The following IL3RA variants were observed in gnomAD, a reference collection of about 807,000 sequenced individuals.
IL3RA encodes interleukin-3 receptor subunit alpha.
A neutral mutation model predicts 52.3 loss-of-function variants in IL3RA; 73 were observed. The observed-to-expected ratio is 1.40, with a 90% confidence interval of 1.16 to 1.70. The LOEUF is 1.70. IL3RA is among the 40% of genes most tolerant of loss of function. The pLI is 0.00. For missense variants in IL3RA, 664 were observed against 504.4 expected (o/e 1.32, Z -3.03); for synonymous variants, 260 against 194.0 (o/e 1.34, Z -2.83).
At position 1,365,197 on chromosome X, in the gene IL3RA, A is replaced by G; in HGVS notation, c.819A>G (p.Arg273=). 1 of 1,611,156 alleles carries G rather than the reference A, an allele frequency of 6.2e-7. No individual in the cohort carries two copies. Among genetic ancestry groups the G allele is most frequent in the Non-Finnish European group, 8.5e-7 (1 of 1,178,934 alleles). The change falls in exon 9 of 12, where the codon AGA becomes AGG. Residue 273 remains arginine, a synonymous_variant. Transcript: ENST00000331035. ...CTGGAACGTACACAGTACAAATAAG[A>G]GCCCGGGAAAGAGTGTATGAATTCT... ...LNPGTYTVQI[R]ARERVYEFLS...
intron 2 of IL3RA, among the ~76,000 whole-genome samples, chrX:1,343,591 C>G (rs1171780967): frequency 7.0e-6 from 1 of 143,310 alleles, no homozygotes; most frequent in Non-Finnish European, 1.5e-5. Context: ...CACTTGAACC[C>G]GGGAGGCGGA....
At chrX:1,340,592 G>A (rs2085451799) in intron 1 of IL3RA, among the ~76,000 whole-genome samples, 2 of 152,172 alleles carry the variant, frequency 1.3e-5, no homozygotes, top group African/African-American at 4.8e-5. Context: ...GTATATTTGT[G>A]TATGCACATA....
intron 8 of IL3RA, 85 bp downstream of exon 8, chrX:1,358,972 A>G (rs2149050613): frequency 1.1e-6 from 1 of 933,102 alleles, no homozygotes. Flanking sequence ...GATAAAAAAT[A>G]TTAATAATTC....
chrX:1,353,544 A>G (rs2086299963), intron 6 of IL3RA, among the ~76,000 whole-genome samples: 2 of 149,316 alleles, frequency 1.3e-5, no homozygotes, highest in African/African-American at 5.0e-5. Flanking sequence ...TGGTTCCATC[A>G]TGGGTCATAG....
rs747409244 is a variant in IL3RA at position 1,348,332 on chromosome X, G to A, written c.184-99G>A. ...CACGCCACTGCACTCCAGCGTGGGC[G>A]ACGAGAGCGAAACTCTGCCTCAAAA... On this transcript the variant is annotated intron_variant, in intron 3 of 11. Coordinates refer to ENST00000331035, the MANE Select transcript of IL3RA (RefSeq NM_002183.4). 4.3e-4 allele frequency: 398 copies of A among 918,368 alleles called. 1 individual carries two copies. Among genetic ancestry groups the A allele is most frequent in the Non-Finnish European group, 5.9e-4 (326 of 553,672 alleles). 56.9% of individuals were successfully genotyped at this position (918,368 alleles called of 1,614,324 possible).
intron 11 of IL3RA, among the ~76,000 whole-genome samples, chrX:1,381,794 G>A (rs1397346501): frequency 1.3e-4 from 19 of 151,034 alleles, no homozygotes; most frequent in Non-Finnish European, 2.2e-4. Context: ...CCCCTGCCTC[G>A]GCCTCCCAAA....
intron 3 of IL3RA, among the ~76,000 whole-genome samples, chrX:1,347,172 C>A (rs778056306): frequency 1.3e-5 from 2 of 151,460 alleles, no homozygotes; most frequent in Non-Finnish European, 2.9e-5. Context: ...GTAGGCCGGG[C>A]GTGGTGGCTC....
Position 1,341,322 on chromosome X carries a change from C to G in IL3RA, c.-38-406C>G, listed in dbSNP as rs1305147386. 7.3e-5 allele frequency among the ~76,000 whole-genome samples: 11 copies of G among 151,452 alleles called. No homozygotes were observed. In the South Asian group the frequency reaches 1.0e-3, roughly 14 times the overall value. On this transcript the variant is annotated intron_variant, in intron 1 of 11. Transcript: ENST00000331035. ...TCAGGAAAAAAAAAAAAAGAAAACACACAAACACTTATGTGTGCACACAGA... is the reference window on the plus strand; with the variant it reads ...TCAGGAAAAAAAAAAAAAGAAAACAGACAAACACTTATGTGTGCACACAGA...
rs1662462570 is a variant in IL3RA, at chrX:1,377,296, A to C, written c.875-1363A>C. Among the ~76,000 whole-genome samples, 3 of 151,628 alleles carry C rather than the reference A, an allele frequency of 2.0e-5. No individual in the cohort carries two copies. In the South Asian group the frequency reaches 6.2e-4, roughly 31 times the overall value. ...TCACTCTGTCGCCAGGCTGGAGTGC[A>C]GTGGCGTGATCTTGGCTCACTGCAA... On this transcript the variant is annotated intron_variant, in intron 9 of 11. Coordinates refer to ENST00000331035, the MANE Select transcript of IL3RA (RefSeq NM_002183.4).
intron 4 of IL3RA, 95 bp downstream of exon 4, chrX:1,348,640 T>TTC (rs2085891526): frequency 8.3e-6 from 6 of 721,674 alleles, no homozygotes; most frequent in East Asian, 5.4e-5. Flanking sequence ...TTTCTTTTCT[T>TTC]TTTCTCTTTC....
chrX:1,357,791 T>TGG (rs199973727), intron 7 of IL3RA, among the ~76,000 whole-genome samples: 1 of 149,786 alleles, frequency 6.7e-6, no homozygotes, highest in African/African-American at 2.5e-5. Context: ...CCAATCTGTT[T>TGG]GGGTTTTTTT....
intron 9 of IL3RA, among the ~76,000 whole-genome samples, chrX:1,367,781 C>T (rs1431047259): frequency 3.6e-5 from 5 of 140,700 alleles, no homozygotes; most frequent in Non-Finnish European, 7.8e-5. Flanking sequence ...GCGGGGTGCG[C>T]GGGCTGAGCG....
At chrX:1,377,444 T>C (rs377115390) in intron 9 of IL3RA, among the ~76,000 whole-genome samples, 2 of 151,990 alleles carry the variant, frequency 1.3e-5, no homozygotes, top group African/African-American at 2.4e-5. Flanking sequence ...TTTCTGGCCA[T>C]GTTGGCCAGG....
intron 2 of IL3RA, among the ~76,000 whole-genome samples, chrX:1,344,576 C>G (rs1421839187): frequency 1.5e-4 from 23 of 151,368 alleles, no homozygotes; most frequent in African/African-American, 5.6e-4. Context: ...AGATCGAGAC[C>G]ATCCTGGCCA....
chrX:1,377,039 T>G (rs1315810619), intron 9 of IL3RA, among the ~76,000 whole-genome samples: 3 of 148,302 alleles, frequency 2.0e-5, no homozygotes, highest in Non-Finnish European at 3.0e-5. Context: ...TGAGATGGAC[T>G]AAGACATCTC....
chrX:1,358,649 A>G (rs1315699222), intron 7 of IL3RA, among the ~76,000 whole-genome samples: 3 of 151,948 alleles, frequency 2.0e-5, no homozygotes, highest in Non-Finnish European at 2.9e-5. Flanking sequence ...ACGGAGTGAG[A>G]CTCCGTCTCA....
intron 8 of IL3RA, among the ~76,000 whole-genome samples, chrX:1,359,491 C>T (rs2086998590): frequency 2.0e-5 from 3 of 150,908 alleles, no homozygotes; most frequent in African/African-American, 4.9e-5. Flanking sequence ...CTCTCTCTCT[C>T]GTCTCTATCT....
intron 2 of IL3RA, among the ~76,000 whole-genome samples, chrX:1,344,878 G>C (rs7391575): frequency 0.68 from 101,719 of 150,186 alleles, 36,221 homozygotes; most frequent in African/African-American, 0.91. Flanking sequence ...TTTTAAGATT[G>C]TTGACCTGGT....
At chrX:1,362,445 T>C in intron 8 of IL3RA, among the ~76,000 whole-genome samples, 1 of 151,992 alleles carries the variant, frequency 6.6e-6, no homozygotes, top group Admixed American at 6.6e-5. Context: ...TCTCTTTGTA[T>C]CTCTGTCTCT....
Sources: gnomAD v4.1 joint callset for allele counts (sites outside exome capture counted in the v4.1 genomes callset) on GRCh38, gnomAD v4.1.1 for gene constraint, MANE v1.5 for transcripts, NCBI Gene and HGNC (gene_info 2026-07-23, HGNC 2026-07-21) for gene names.